DPP6: variants seen among roughly 807,000 people sequenced by gnomAD.
DPP6 encodes dipeptidyl peptidase like 6.
A neutral mutation model predicts 122.6 loss-of-function variants in DPP6; 69 were observed. The ratio of observed to expected loss-of-function variants is 0.56; its 90% CI spans 0.46 to 0.69. The LOEUF is 0.69. Among genes scored for constraint, DPP6 ranks in the 30% least tolerant of loss-of-function variants. DPP6 has a pLI of 0.00. For missense variants in DPP6, 928 were observed against 1,116.9 expected, an observed-to-expected ratio of 0.83 and a Z score of 2.41; for synonymous variants, 418 against 433.1, an observed-to-expected ratio of 0.97 and a Z score of 0.43.
the DPP6 span, among the ~76,000 whole-genome samples, chr7:153,818,510 G>C: frequency 2.0e-5 from 3 of 152,084 alleles, no homozygotes; most frequent in African/African-American, 7.2e-5. Context: ...CCAGTGGCAG[G>C]GAAAAGCTAC....
Position 154,241,459 on chromosome 7 carries a change from C to T in DPP6, c.243+188396C>T, listed in dbSNP as rs189215002. 5.3e-4 allele frequency among the ~76,000 whole-genome samples: 80 copies of T among 151,964 alleles called. 2 individuals carry two copies. Among genetic ancestry groups the T allele is most frequent in the East Asian group, 4.1e-3 (21 of 5,166 alleles). On this transcript the variant is annotated intron_variant, in intron 1 of 25. Transcript: ENST00000377770. The surrounding 1 kb of genome is among the most constrained non-coding windows in gnomAD (Gnocchi z 9.0). ...CCTGTAGTCCTGGCTATTTGGGAGGCGGAGGCAGGAGAATCGCTTGAACCC... is the reference window on the plus strand; with the variant it reads ...CCTGTAGTCCTGGCTATTTGGGAGGTGGAGGCAGGAGAATCGCTTGAACCC...
chr7:154,608,667 C>G (rs1395273352), intron 5 of DPP6, among the ~76,000 whole-genome samples: 1 of 151,962 alleles, frequency 6.6e-6, no homozygotes, highest in Non-Finnish European at 1.5e-5. Context: ...GTTTTCCTTT[C>G]CAGTCATCCC....
chr7:154,391,755 G>A (rs79899331), intron 1 of DPP6, among the ~76,000 whole-genome samples: 1 of 152,160 alleles, frequency 6.6e-6, no homozygotes, highest in Non-Finnish European at 1.5e-5. Flanking sequence ...TGTGGGTGCT[G>A]ATGAAGGCAG....
At chr7:154,499,651 G>A (rs1479709445) in intron 3 of DPP6, among the ~76,000 whole-genome samples, 2 of 146,590 alleles carry the variant, frequency 1.4e-5, no homozygotes, top group Non-Finnish European at 2.9e-5. Flanking sequence ...TTTAAAATTA[G>A]GGAATAATAA....
chr7:153,969,713 A>G (rs1452600527), intron 1 of DPP6, among the ~76,000 whole-genome samples: 1 of 147,490 alleles, frequency 6.8e-6, no homozygotes, highest in African/African-American at 2.7e-5. Context: ...ATTCATTCAC[A>G]TTCTCTAATT....
chr7:154,394,717 G>A, intron 1 of DPP6, among the ~76,000 whole-genome samples: 1 of 152,168 alleles, frequency 6.6e-6, no homozygotes, highest in East Asian at 1.9e-4. Flanking sequence ...GAGTTTCATA[G>A]TTTTAGATCT....
chr7:154,216,718 C>T (rs1800020313), intron 1 of DPP6, among the ~76,000 whole-genome samples: 1 of 152,038 alleles, frequency 6.6e-6, no homozygotes, highest in African/African-American at 2.4e-5. Flanking sequence ...GAAGACAGCT[C>T]ATCTTCATTC....
chr7:153,784,158 C>T, the DPP6 span, among the ~76,000 whole-genome samples: 1 of 152,160 alleles, frequency 6.6e-6, no homozygotes, highest in Non-Finnish European at 1.5e-5. Context: ...TCTAATGTGG[C>T]ATTTAAAATT....
At chr7:153,844,536 T>C in the DPP6 span, among the ~76,000 whole-genome samples, 1 of 152,228 alleles carries the variant, frequency 6.6e-6, no homozygotes, top group Admixed American at 6.5e-5. Context: ...TTTTGTACAT[T>C]ACAATTAGAA....
chr7:154,631,694 T>A (rs1237926759), intron 5 of DPP6, among the ~76,000 whole-genome samples: 2 of 151,658 alleles, frequency 1.3e-5, no homozygotes, highest in African/African-American at 4.8e-5. Context: ...GAAGGAGCAG[T>A]TCCAAGGGAA....
At chr7:154,884,094 T>TCACCCACACATGCTCACACACACATGCC (rs1805817788) in intron 21 of DPP6, 1 of 130,890 alleles carries the variant, frequency 7.6e-6, no homozygotes, top group Non-Finnish European at 1.6e-5. Context: ...ACACACATGC[T>TCACCCACACATGCTCACACACACATGCC]CACCCATACA....
intron 1 of DPP6, among the ~76,000 whole-genome samples, chr7:153,933,157 G>T (rs377020876): frequency 1.8e-4 from 28 of 152,250 alleles, no homozygotes; most frequent in South Asian, 2.1e-4. Context: ...TTTCTTCATA[G>T]CAGTATGAAA....
intron 3 of DPP6, among the ~76,000 whole-genome samples, chr7:154,501,251 GA>G (rs34370522): frequency 0.53 from 79,281 of 151,004 alleles, 20,798 homozygotes; most frequent in Middle Eastern, 0.6. Context: ...CAACATGATA[GA>G]AAAAAAAAAT....
intron 5 of DPP6, among the ~76,000 whole-genome samples, chr7:154,594,759 G>A (rs1047638618): frequency 2.6e-5 from 4 of 152,088 alleles, no homozygotes; most frequent in Admixed American, 6.6e-5. Context: ...GACAAGTTTC[G>A]GACTAATGCA....
At chr7:154,802,342 AGGGTGGGGGCTGCGG>A (rs1798421202) in intron 13 of DPP6, among the ~76,000 whole-genome samples, 1 of 151,854 alleles carries the variant, frequency 6.6e-6, no homozygotes, top group Non-Finnish European at 1.5e-5. Context: ...TGATGGAATC[AGGGTGGGGGCTGCGG>A]GACCCCTGGG....
At chr7:154,505,383 A>G (rs1490691331) in intron 3 of DPP6, among the ~76,000 whole-genome samples, 1 of 152,220 alleles carries the variant, frequency 6.6e-6, no homozygotes, top group East Asian at 1.9e-4. Flanking sequence ...AATTAATAGT[A>G]TTGATATAAT....
At chr7:154,737,996 A>G (rs774766867) in intron 8 of DPP6, among the ~76,000 whole-genome samples, 57 of 152,240 alleles carry the variant, frequency 3.7e-4, no homozygotes, top group Non-Finnish European at 6.9e-4. Context: ...AAGCGCAGGC[A>G]TATTACAGTG....
intron 1 of DPP6, among the ~76,000 whole-genome samples, chr7:154,350,900 G>A (rs1350320078): frequency 6.6e-6 from 1 of 152,164 alleles, no homozygotes; most frequent in East Asian, 1.9e-4. Flanking sequence ...GACAGTGTGT[G>A]GGAAATGAAA....
chr7:154,172,148 C>CCCTGCCTGCCTGCCTGCCTG (rs10644496), intron 1 of DPP6, among the ~76,000 whole-genome samples: 154 of 150,732 alleles, frequency 1.0e-3, no homozygotes, highest in Non-Finnish European at 1.7e-3. Flanking sequence ...CTTCCTTCTT[C>CCCTGCCTGCCTGCCTGCCTG]CCTGCCTGCC....
Sources: gnomAD v4.1 joint callset for allele counts (sites outside exome capture counted in the v4.1 genomes callset) on GRCh38, gnomAD v4.1.1 for gene constraint, Gnocchi (gnomAD v3.1) non-coding constraint, MANE v1.5 for transcripts, NCBI Gene and HGNC (gene_info 2026-07-23, HGNC 2026-07-21) for gene names.